Variants in GRIN2B observed in about 807,000 individuals in gnomAD.
GRIN2B encodes the protein glutamate receptor ionotropic, NMDA 2B.
A neutral mutation model predicts 114.5 loss-of-function variants in GRIN2B; 5 were observed. The observed-to-expected ratio is 0.04, with a 90% CI of 0.02 to 0.09. The LOEUF (loss-of-function observed/expected upper bound fraction) is 0.09, where lower values mean the gene tolerates loss of function less well. GRIN2B is among the 10% of genes least tolerant of loss of function. GRIN2B has a pLI of 1.00. For synonymous variants in GRIN2B, 787 were observed against 745.1 expected (o/e 1.06, Z -0.92); for missense variants, 1,108 against 1,943.5 (o/e 0.57, Z 8.08).
Position 13,555,210 on chromosome 12 carries a change from T to C in GRIN2B, c.*7573A>G, listed in dbSNP as rs1948464708. On this transcript the variant is annotated 3_prime_UTR_variant, in exon 14 of 14. Transcript: ENST00000609686. ...CAGAGAACTAAGATTAAAACCAGAA[T>C]GTATTGCCTCCCAATGGTAATTGTC... 1 of 152,132 alleles carries C rather than the reference T, an allele frequency of 6.6e-6. No individual in the cohort carries two copies. The highest frequency in any genetic ancestry group is 1.5e-5 in the Non-Finnish European group (1 of 68,028). 9.4% of individuals were successfully genotyped at this position (152,132 alleles called of 1,614,324 possible).
intron 10 of GRIN2B, among the ~76,000 whole-genome samples, chr12:13,605,572 C>CACACAA (rs1949235616): frequency 6.7e-6 from 1 of 150,268 alleles, no homozygotes; most frequent in Non-Finnish European, 1.5e-5. Flanking sequence ...CACACACACA[C>CACACAA]ACACACACAC....
Position 13,552,807 on chromosome 12 carries a change from G to T in GRIN2B, c.*9976C>A, listed in dbSNP as rs1292955322. Reference sequence around the variant, plus strand: ...AGACTTATATTTTAATTTTCACTAGGTATCTCCCAAGTTGTCACAAGTTTT... The same window carrying T: ...AGACTTATATTTTAATTTTCACTAGTTATCTCCCAAGTTGTCACAAGTTTT... On this transcript the variant is annotated 3_prime_UTR_variant, in exon 14 of 14. Transcript: ENST00000609686. 1 of 152,170 alleles carries T rather than the reference G, an allele frequency of 6.6e-6. No individual in the cohort carries two copies. Among genetic ancestry groups the T allele is most frequent in the Middle Eastern group, 3.4e-3 (1 of 294 alleles). 9.4% of individuals were successfully genotyped at this position (152,170 alleles called of 1,614,324 possible). A position where few individuals can be genotyped will look rare whatever the true frequency, so the allele number is the denominator to read the frequency against.
chr12:13,547,959 G>GTGTGTATATATATATATATATATA lies in GRIN2B; in HGVS notation c.*14823_*14824insTATATATATATATATATATACACA, dbSNP rs796607856. On this transcript the variant is annotated 3_prime_UTR_variant, in exon 14 of 14. Transcript: ENST00000609686. Reference sequence around the variant, plus strand: ...TATGTATGTATGTATGTATGTGTGTGTATATATATATATATATATATATTT... The same window carrying GTGTGTATATATATATATATATATA: ...TATGTATGTATGTATGTATGTGTGTGTGTGTATATATATATATATATATATATATATATATATATATATATATTT... 1.1e-5 allele frequency: 1 copy of GTGTGTATATATATATATATATATA among 91,470 alleles called. No individual in the cohort carries two copies. Among genetic ancestry groups the GTGTGTATATATATATATATATATA allele is most frequent in the African/African-American group, 3.8e-5 (1 of 26,260 alleles). The allele number at this position is 91,470 out of a possible 1,614,324, so 5.7% of individuals were successfully genotyped here. A position where few individuals can be genotyped will look rare whatever the true frequency, so the allele number is the denominator to read the frequency against.
chr12:13,934,557 T>G (rs1156375709), intron 2 of GRIN2B, among the ~76,000 whole-genome samples: 1 of 152,214 alleles, frequency 6.6e-6, no homozygotes, highest in East Asian at 1.9e-4. Flanking sequence ...TATTCCACAG[T>G]GCTTCTCCGT....
At chr12:13,801,945 G>A (rs1404222782) in intron 3 of GRIN2B, among the ~76,000 whole-genome samples, 1 of 151,880 alleles carries the variant, frequency 6.6e-6, no homozygotes, top group Non-Finnish European at 1.5e-5. Flanking sequence ...GAGCAGACAG[G>A]GACACTTACC....
chr12:13,862,454 C>G (rs529200457), intron 3 of GRIN2B, among the ~76,000 whole-genome samples: 1 of 152,158 alleles, frequency 6.6e-6, no homozygotes, highest in South Asian at 2.1e-4. Context: ...AAGGGGAGAA[C>G]AAAATAGAAG....
chr12:13,668,503 T>C (rs1261483474), intron 5 of GRIN2B, among the ~76,000 whole-genome samples: 1 of 152,138 alleles, frequency 6.6e-6, no homozygotes, highest in Non-Finnish European at 1.5e-5. Flanking sequence ...GTAATCTCTT[T>C]CTGGAACCCT....
chr12:13,740,231 C>A (rs1863257154), intron 4 of GRIN2B, among the ~76,000 whole-genome samples: 1 of 152,158 alleles, frequency 6.6e-6, no homozygotes, highest in African/African-American at 2.4e-5. Flanking sequence ...TTAGGCAATT[C>A]ACTTTATATT....
intron 2 of GRIN2B, among the ~76,000 whole-genome samples, chr12:13,944,833 C>T (rs1480898865): frequency 6.6e-6 from 1 of 152,150 alleles, no homozygotes; most frequent in Non-Finnish European, 1.5e-5. Flanking sequence ...ATGTCTCAGA[C>T]CATGACAGGT....
intron 3 of GRIN2B, among the ~76,000 whole-genome samples, chr12:13,846,718 GA>G (rs1429174005): frequency 2.2e-4 from 33 of 152,328 alleles, no homozygotes; most frequent in African/African-American, 7.9e-4. Context: ...AGGGAGGAAT[GA>G]ATGAGGAAAC....
At chr12:13,748,713 T>C (rs1218553408) in intron 4 of GRIN2B, among the ~76,000 whole-genome samples, 3 of 152,198 alleles carry the variant, frequency 2.0e-5, no homozygotes, top group Admixed American at 6.5e-5. Context: ...GTATAGGGCA[T>C]TGTACTATAT....
chr12:13,972,060 C>T (rs1025756816), intron 2 of GRIN2B, among the ~76,000 whole-genome samples: 1 of 152,166 alleles, frequency 6.6e-6, no homozygotes, highest in African/African-American at 2.4e-5. Flanking sequence ...TAACAGGTGC[C>T]TTGTCAATCA....
chr12:13,948,359 C>T (rs1181976199), intron 2 of GRIN2B, among the ~76,000 whole-genome samples: 1 of 152,170 alleles, frequency 6.6e-6, no homozygotes, highest in Non-Finnish European at 1.5e-5. Context: ...TTTGTTAGCC[C>T]TCTGGGGGGA....
intron 3 of GRIN2B, among the ~76,000 whole-genome samples, chr12:13,754,513 T>C (rs1325416473): frequency 6.6e-6 from 1 of 152,186 alleles, no homozygotes; most frequent in Non-Finnish European, 1.5e-5. Context: ...AGAAGGTGAA[T>C]GGTACTCAGA....
chr12:13,741,300 G>T (rs1189111790), intron 4 of GRIN2B, among the ~76,000 whole-genome samples: 1 of 152,106 alleles, frequency 6.6e-6, no homozygotes, highest in Admixed American at 6.5e-5. Flanking sequence ...AAAGTGCTGG[G>T]ATTACAGGCG....
At chr12:13,814,498 G>T (rs1268411229) in intron 3 of GRIN2B, among the ~76,000 whole-genome samples, 4 of 152,206 alleles carry the variant, frequency 2.6e-5, no homozygotes, top group Admixed American at 6.5e-5. Context: ...TACCTAAGAA[G>T]AAAACCAGTG....
chr12:13,686,988 C>G lies in GRIN2B; in HGVS notation c.1011-11129G>C, dbSNP rs148540499. 5.9e-5 allele frequency among the ~76,000 whole-genome samples: 9 copies of G among 152,196 alleles called. No individual in the cohort carries two copies. The South Asian group carries it at 1.7e-3, about 28-fold the overall frequency. The stretch of plus-strand genomic sequence containing the variant: ...GTTAAAAAGAGTCTGGGTGCACCCC[C>G]CTCCCCGACCTTGCTTCTTCTCTCA... On this transcript the variant is annotated intron_variant, in intron 4 of 13. Transcript: ENST00000609686.
rs537867166 is a variant in GRIN2B, at chr12:13,556,752, C to T, written c.*6031G>A. 22 of 152,300 alleles carry T rather than the reference C, an allele frequency of 1.4e-4. No individual in the cohort carries two copies. The highest frequency in any genetic ancestry group is 1.0e-3 in the Admixed American group (16 of 15,294). 9.4% of individuals were successfully genotyped at this position (152,300 alleles called of 1,614,324 possible). A position where few individuals can be genotyped will look rare whatever the true frequency, so the allele number is the denominator to read the frequency against. On this transcript the variant is annotated 3_prime_UTR_variant, in exon 14 of 14. Transcript: ENST00000609686. ...AATTCTACTCATCTACTCTGCTTTT[C>T]ACCTTCAGTTCTTTCAGGAGCCCTT...
chr12:13,760,066 G>T (rs570364034), intron 3 of GRIN2B, among the ~76,000 whole-genome samples: 7 of 152,300 alleles, frequency 4.6e-5, no homozygotes, highest in Middle Eastern at 3.4e-3. Context: ...ACCACAACAC[G>T]GAATGCTGAA....
Sources: allele counts gnomAD v4.1 joint callset (sites outside exome capture counted in the v4.1 genomes callset), GRCh38; gene constraint gnomAD v4.1.1; transcripts MANE v1.5; gene names NCBI Gene and HGNC (gene_info 2026-07-23, HGNC 2026-07-21).